LRCH2: variants seen among roughly 807,000 people sequenced by gnomAD.
The protein encoded by LRCH2 is leucine-rich repeat and calponin homology domain-containing protein 2.
A neutral mutation model predicts 68.9 loss-of-function variants in LRCH2; 38 were observed. The observed-to-expected ratio is 0.55, with a 90% CI of 0.43 to 0.72. The LOEUF (loss-of-function observed/expected upper bound fraction) is 0.72, where lower values mean the gene tolerates loss of function less well. Ranked by LOEUF, LRCH2 falls within the 30% of genes least tolerant of loss-of-function variation. The pLI is 0.00. For synonymous variants in LRCH2, 191 were observed against 208.1 expected, an observed-to-expected ratio of 0.92 and a Z score of 0.71; for missense variants, 528 against 572.9, an observed-to-expected ratio of 0.92 and a Z score of 0.80.
chrX:115,179,944 G>A (rs1246554122), intron 3 of LRCH2, among the ~76,000 whole-genome samples, 193 bp from the exon 4 acceptor site: 1 of 110,675 alleles, frequency 9.0e-6, no homozygotes, highest in African/African-American at 3.3e-5. Context: ...ACCTAGTACA[G>A]TAAATAGAAA....
chrX:115,150,585 T>C (rs1253169383), intron 12 of LRCH2, among the ~76,000 whole-genome samples: 1 of 111,201 alleles, frequency 9.0e-6, no homozygotes, highest in Non-Finnish European at 1.9e-5. Context: ...AGACTATGCA[T>C]GCTGTTGTTA....
intron 1 of LRCH2, chrX:115,191,723 G>C (rs1041717201): frequency 3.8e-5 from 44 of 1,163,397 alleles, no homozygotes; most frequent in Non-Finnish European, 4.8e-5. Flanking sequence ...GACGCCTACA[G>C]TGGGGGCCAT....
intron 1 of LRCH2, among the ~76,000 whole-genome samples, chrX:115,221,210 A>T (rs7053704): frequency 2.3e-4 from 10 of 42,712 alleles, no homozygotes; most frequent in African/African-American, 1.0e-3. Flanking sequence ...AAAAAAAAAA[A>T]ATATATATAT....
At chrX:115,180,408 C>A (rs2072682652) in intron 3 of LRCH2, among the ~76,000 whole-genome samples, 1 of 110,279 alleles carries the variant, frequency 9.1e-6, no homozygotes, top group Non-Finnish European at 1.9e-5. Flanking sequence ...CAAACGATAT[C>A]AAGTTTCCAT....
chrX:115,147,000 A>G (rs2072390707), intron 14 of LRCH2, among the ~76,000 whole-genome samples: 1 of 107,943 alleles, frequency 9.3e-6, no homozygotes, highest in Non-Finnish European at 1.9e-5. Context: ...ATAATTTACC[A>G]TGGGACAGAA....
intron 14 of LRCH2, among the ~76,000 whole-genome samples, chrX:115,147,132 C>A (rs2072392206): frequency 9.0e-6 from 1 of 111,295 alleles, no homozygotes; most frequent in South Asian, 3.7e-4. Context: ...CAGTGATAAT[C>A]TGATATAAAC....
At chrX:115,196,378 G>A (rs988837145) in intron 1 of LRCH2, among the ~76,000 whole-genome samples, 2 of 110,893 alleles carry the variant, frequency 1.8e-5, no homozygotes, top group African/African-American at 6.6e-5. Context: ...ATTTCACCAG[G>A]GGCATGACGA....
chrX:115,183,798 T>C (rs2072711993), intron 3 of LRCH2, among the ~76,000 whole-genome samples: 1 of 112,359 alleles, frequency 8.9e-6, no homozygotes, highest in Non-Finnish European at 1.9e-5. Flanking sequence ...AACCAGAAGA[T>C]ATGAAAAATA....
chrX:115,210,699 G>A (rs1247309509), intron 1 of LRCH2, among the ~76,000 whole-genome samples: 1 of 111,155 alleles, frequency 9.0e-6, no homozygotes, highest in Non-Finnish European at 1.9e-5. Context: ...CATGCACCTG[G>A]AAAGGCCACA....
intron 1 of LRCH2, among the ~76,000 whole-genome samples, chrX:115,231,978 G>T (rs1556578614): frequency 9.0e-6 from 1 of 111,382 alleles, no homozygotes; most frequent in Non-Finnish European, 1.9e-5. Flanking sequence ...GGAAGAGCTG[G>T]GGCTTCAATA....
At position 115,150,181 on chromosome X, in the gene LRCH2, A is replaced by G. The variant is rs782075880; in HGVS notation, c.1530-111T>C. 6.6e-5 allele frequency: 39 copies of G among 594,575 alleles called. No homozygotes were observed. In the South Asian group the frequency reaches 1.7e-3, roughly 26 times the overall value. The allele number at this position is 594,575 out of a possible 1,213,427, so 49.0% of individuals were successfully genotyped here. A position where few individuals can be genotyped will look rare whatever the true frequency, so the allele number is the denominator to read the frequency against. ...TAAAAACATTGTAAAGAATTTACCCATGTCTACACTTTGGCCTAACAACAT... is the reference window on the plus strand; with the variant it reads ...TAAAAACATTGTAAAGAATTTACCCGTGTCTACACTTTGGCCTAACAACAT... On this transcript the variant is annotated intron_variant, in intron 12 of 20. Coordinates refer to ENST00000317135, the MANE Select transcript of LRCH2 (RefSeq NM_020871.4).
At chrX:115,130,067 G>A (rs959597502) in intron 15 of LRCH2, 88 bp downstream of exon 15, 13 of 468,283 alleles carry the variant, frequency 2.8e-5, no homozygotes, top group Non-Finnish European at 4.5e-5. Context: ...CAAAGAAACT[G>A]AAAAATGGAT....
intron 1 of LRCH2, among the ~76,000 whole-genome samples, chrX:115,233,314 G>A (rs1305482132): frequency 8.9e-6 from 1 of 112,142 alleles, no homozygotes; most frequent in African/African-American, 3.2e-5. Flanking sequence ...TAGAGATTAT[G>A]ATTTTTGTGT....
chrX:115,154,295 C>T (rs989030915), intron 12 of LRCH2, among the ~76,000 whole-genome samples: 1 of 111,606 alleles, frequency 9.0e-6, no homozygotes, highest in Non-Finnish European at 1.9e-5. Flanking sequence ...GATAAATCTA[C>T]AATTAGTGTT....
At chrX:115,151,684 G>GA (rs1369211326) in intron 12 of LRCH2, among the ~76,000 whole-genome samples, 1 of 111,521 alleles carries the variant, frequency 9.0e-6, no homozygotes, top group East Asian at 2.8e-4. Context: ...TATCCTGACT[G>GA]AAAAAACTAA....
chrX:115,124,661 T>C (rs1284574786), intron 16 of LRCH2, among the ~76,000 whole-genome samples: 3 of 111,962 alleles, frequency 2.7e-5, no homozygotes, highest in Non-Finnish European at 5.6e-5. Context: ...TAAATGATGA[T>C]AAAATAATGT....
chrX:115,119,587 A>G (rs1244164661), intron 20 of LRCH2, among the ~76,000 whole-genome samples: 1 of 68,674 alleles, frequency 1.5e-5, no homozygotes, highest in Non-Finnish European at 2.7e-5. Flanking sequence ...GAAAATGGCC[A>G]TACTGCCCAA....
chrX:115,121,620 T>G (rs1172603659), intron 20 of LRCH2, among the ~76,000 whole-genome samples: 1 of 112,387 alleles, frequency 8.9e-6, no homozygotes, highest in Non-Finnish European at 1.9e-5. Flanking sequence ...ACTGCACTAC[T>G]CCAGCCTGGG....
chrX:115,232,251 GAAA>G (rs367690522), intron 1 of LRCH2, among the ~76,000 whole-genome samples: 1 of 43,912 alleles, frequency 2.3e-5, no homozygotes, highest in Admixed American at 2.5e-4. Context: ...AGAACAATAA[GAAA>G]AAAAAAAAAA....
Sources: gnomAD v4.1 joint callset for allele counts (sites outside exome capture counted in the v4.1 genomes callset) on GRCh38, gnomAD v4.1.1 for gene constraint, MANE v1.5 for transcripts, NCBI Gene and HGNC (gene_info 2026-07-23, HGNC 2026-07-21) for gene names.